Variants in TENM3 observed in about 807,000 individuals in gnomAD.
TENM3 encodes teneurin-3.
Under a neutral mutation model 255.1 loss-of-function variants are expected in TENM3, and 63 were observed. That is an observed-to-expected ratio of 0.25 (90% CI 0.20 to 0.30). TENM3 has a LOEUF of 0.30. TENM3 is among the 10% of genes least tolerant of loss of function. The pLI, the probability that TENM3 is intolerant of heterozygous loss-of-function variation, is 1.00. For missense variants in TENM3, 2,929 were observed against 3,461.1 expected (o/e 0.85, Z 3.86); for synonymous variants, 1,306 against 1,322.3 (o/e 0.99, Z 0.27).
At chr4:182,031,695 T>C in the TENM3 span, among the ~76,000 whole-genome samples, 1 of 152,216 alleles carries the variant, frequency 6.6e-6, no homozygotes, top group Non-Finnish European at 1.5e-5. Context: ...GATGGAATGT[T>C]TTTCCAGTTG....
At chr4:182,013,217 G>A in the TENM3 span, among the ~76,000 whole-genome samples, 2 of 152,192 alleles carry the variant, frequency 1.3e-5, no homozygotes, top group Non-Finnish European at 2.9e-5. Flanking sequence ...CCACTGAAAT[G>A]AAGTTTTGGA....
At position 182,800,486 on chromosome 4, in the gene TENM3, C is replaced by A. The variant is rs373233691; in HGVS notation, c.*135C>A. On this transcript the variant is annotated 3_prime_UTR_variant, in exon 28 of 28. Transcript: ENST00000511685. ...CTGCTGTTACGACCCACACCCACAC[C>A]GCGAAAACAAGGACCGCTTTTTTCC... 18 of 1,143,438 alleles carry A rather than the reference C, an allele frequency of 1.6e-5. No individual in the cohort carries two copies. In the African/African-American group the frequency reaches 2.9e-4, roughly 18 times the overall value. 70.8% of individuals were successfully genotyped at this position (1,143,438 alleles called of 1,614,324 possible).
At chr4:182,039,777 G>A in the TENM3 span, among the ~76,000 whole-genome samples, 1 of 151,214 alleles carries the variant, frequency 6.6e-6, no homozygotes, top group East Asian at 1.9e-4. Flanking sequence ...GTCCCTGTCT[G>A]GTACCTAGCA....
At chr4:181,734,891 T>G in the TENM3 span, among the ~76,000 whole-genome samples, 1 of 152,128 alleles carries the variant, frequency 6.6e-6, no homozygotes, top group African/African-American at 2.4e-5. Flanking sequence ...GCTTTTCAAA[T>G]GTCATGACAT....
the TENM3 span, among the ~76,000 whole-genome samples, chr4:181,547,775 T>TA: frequency 4.6e-5 from 7 of 152,294 alleles, no homozygotes; most frequent in Middle Eastern, 3.4e-3. Flanking sequence ...ACTTTTTTTT[T>TA]ACCTTGTAAT....
Position 182,752,038 on chromosome 4 carries a change from G to T in TENM3, c.3862+6G>T. 1 of 1,511,004 alleles carries T rather than the reference G, an allele frequency of 6.6e-7. No homozygotes were observed. Among genetic ancestry groups the T allele is most frequent in the Non-Finnish European group, 8.9e-7 (1 of 1,123,144 alleles). The allele number at this position is 1,511,004 out of a possible 1,614,324, so 93.6% of individuals were successfully genotyped here. The stretch of plus-strand genomic sequence containing the variant: ...CACACTCATGAGTCCCAAAGGTACC[G>T]GCAGTTGGCGATTTGAGGATTTCTT... On this transcript the variant is annotated splice_donor_region_variant and intron_variant, in intron 20 of 27. Transcript: ENST00000511685.
At chr4:181,831,546 A>G in the TENM3 span, among the ~76,000 whole-genome samples, 1 of 149,288 alleles carries the variant, frequency 6.7e-6, no homozygotes, top group Non-Finnish European at 1.5e-5. Context: ...GACTGGACAT[A>G]AGGGAATTTT....
At chr4:181,964,661 C>G in the TENM3 span, among the ~76,000 whole-genome samples, 2 of 152,018 alleles carry the variant, frequency 1.3e-5, no homozygotes, top group Non-Finnish European at 2.9e-5. Flanking sequence ...TTCTTCTCGT[C>G]TATATGACAT....
intron 3 of TENM3, among the ~76,000 whole-genome samples, chr4:182,535,228 A>T (rs1215050840): frequency 1.3e-5 from 2 of 152,236 alleles, no homozygotes; most frequent in Non-Finnish European, 2.9e-5. Flanking sequence ...TATGGAAAAT[A>T]AATTCTCAGT....
chr4:181,812,799 A>G, the TENM3 span, among the ~76,000 whole-genome samples: 5 of 152,186 alleles, frequency 3.3e-5, no homozygotes, highest in Non-Finnish European at 7.3e-5. Context: ...CCATGATCAG[A>G]GTCACAGTAT....
At chr4:182,544,709 C>T (rs1005028071) in intron 3 of TENM3, among the ~76,000 whole-genome samples, 1 of 152,146 alleles carries the variant, frequency 6.6e-6, no homozygotes, top group Admixed American at 6.5e-5. Flanking sequence ...CCTTTTAAAC[C>T]CAGGAATTAA....
At chr4:182,195,387 C>T (rs564088425) in intron 1 of TENM3, among the ~76,000 whole-genome samples, 16 of 152,198 alleles carry the variant, frequency 1.1e-4, no homozygotes, top group African/African-American at 3.6e-4. Flanking sequence ...GCCTGTAATC[C>T]GAGCACTTTG....
chr4:182,198,613 G>T (rs927272787), intron 1 of TENM3, among the ~76,000 whole-genome samples: 1 of 152,210 alleles, frequency 6.6e-6, no homozygotes. Flanking sequence ...GGAGCAGTTG[G>T]AATGAAGCTG....
the TENM3 span, among the ~76,000 whole-genome samples, chr4:182,061,819 A>G: frequency 3.3e-5 from 5 of 151,998 alleles, no homozygotes; most frequent in Non-Finnish European, 7.4e-5. Flanking sequence ...AAAATTTGCC[A>G]GTGTTGGTGT....
chr4:181,605,333 T>C, the TENM3 span, among the ~76,000 whole-genome samples: 1 of 151,374 alleles, frequency 6.6e-6, no homozygotes, highest in African/African-American at 2.4e-5. Context: ...TAGTCCCAGC[T>C]ACTCCAGAGG....
intron 12 of TENM3, among the ~76,000 whole-genome samples, chr4:182,694,118 T>A (rs1022990136): frequency 6.6e-6 from 1 of 152,132 alleles, no homozygotes; most frequent in Non-Finnish European, 1.5e-5. Flanking sequence ...TCATTTATTT[T>A]TTTATTTTTG....
intron 13 of TENM3, among the ~76,000 whole-genome samples, chr4:182,723,811 C>T (rs546830590): frequency 1.3e-5 from 2 of 152,290 alleles, no homozygotes; most frequent in East Asian, 1.9e-4. Context: ...TTTATTGGAA[C>T]ACATTCATGC....
Position 182,789,446 on chromosome 4 carries a change from A to C in TENM3, c.5601+57A>C. On this transcript the variant is annotated intron_variant, in intron 25 of 27. Transcript: ENST00000511685. This position sits in a 1 kb window ranked among gnomAD's most constrained non-coding sequence, Gnocchi z 4.4. ...AAAGGATAATTCACATTTTTCAGCA[A>C]TCATCCAGAGCACTAAGGGGAAAAA... 1 of 1,512,476 alleles carries C rather than the reference A, an allele frequency of 6.6e-7. No homozygotes were observed. The highest frequency in any genetic ancestry group is 9.0e-7 in the Non-Finnish European group (1 of 1,113,660). 93.7% of individuals were successfully genotyped at this position (1,512,476 alleles called of 1,614,324 possible).
the TENM3 span, among the ~76,000 whole-genome samples, chr4:182,046,405 A>G: frequency 6.6e-6 from 1 of 152,024 alleles, no homozygotes; most frequent in African/African-American, 2.4e-5. Flanking sequence ...ACTAATGCTC[A>G]ACAAATTGTG....
Sources: allele counts gnomAD v4.1 joint callset (sites outside exome capture counted in the v4.1 genomes callset), GRCh38; gene constraint gnomAD v4.1.1; non-coding constraint Gnocchi (gnomAD v3.1); transcripts MANE v1.5; gene names NCBI Gene and HGNC (gene_info 2026-07-23, HGNC 2026-07-21).